The following FBRSL1 variants were observed in gnomAD, a reference collection of about 807,000 sequenced individuals.
The protein encoded by FBRSL1 is fibrosin like 1, also known as fibrosin-1-like protein.
A neutral mutation model predicts 89.6 loss-of-function variants in FBRSL1; 51 were observed. The observed-to-expected ratio is 0.57, with a 90% confidence interval of 0.45 to 0.72. The LOEUF is 0.72. Ranked by LOEUF, FBRSL1 falls within the 30% of genes least tolerant of loss-of-function variation. The probability of loss-of-function intolerance (pLI) is 0.00; values close to 1 mark genes in which losing one functional copy is unlikely to be tolerated. For missense variants in FBRSL1, 1,618 were observed against 1,451.8 expected, an observed-to-expected ratio of 1.11 and a Z score of -1.86; for synonymous variants, 779 against 681.1, an observed-to-expected ratio of 1.14 and a Z score of -2.24.
Position 132,584,142 on chromosome 12 carries a change from T to C in FBRSL1, c.*364T>C, listed in dbSNP as rs1050677822. On this transcript the variant is annotated 3_prime_UTR_variant, in exon 19 of 19. Transcript: ENST00000680143. ...TTTGCAGTTTAATGGCCTCAGATCC[T>C]TCTCCAGATCCCCAGGGTTTCTTTG... 6.5e-6 allele frequency: 1 copy of C among 152,776 alleles called. No homozygotes were observed. The highest frequency in any genetic ancestry group is 2.1e-4 in the South Asian group (1 of 4,836). 9.5% of individuals were successfully genotyped at this position (152,776 alleles called of 1,614,324 possible). A position where few individuals can be genotyped will look rare whatever the true frequency, so the allele number is the denominator to read the frequency against.
Position 132,571,194 on chromosome 12 carries a change from G to C in FBRSL1, c.1340G>C (p.Gly447Ala). ...CCCCTGGGCCCGCACGTGGCGAGCG[G>C]CCACCCCGGCTTGGCCTGCCGACCC... ...PAPLGPHVAS[G>A]HPGLACRPRE... The change falls in exon 9 of 19, where the codon GGC becomes GCC. Residue 447 changes from glycine to alanine, a missense_variant. Gly to Ala is a moderately conservative substitution (Grantham distance 60). Coordinates refer to ENST00000680143, the MANE Select transcript of FBRSL1 (RefSeq NM_001367871.1). The C allele has an allele frequency of 2.8e-6, 4 of 1,434,634 alleles. No homozygotes were observed. Among genetic ancestry groups the C allele is most frequent in the Non-Finnish European group, 3.7e-6 (4 of 1,091,724 alleles). The allele number at this position is 1,434,634 out of a possible 1,614,324, so 88.9% of individuals were successfully genotyped here. A position where few individuals can be genotyped will look rare whatever the true frequency, so the allele number is the denominator to read the frequency against.
At position 132,556,968 on chromosome 12, in the gene FBRSL1, T is replaced by G. The variant is rs1593480954; in HGVS notation, c.645+8936T>G. Among the ~76,000 whole-genome samples the G allele has an allele frequency of 1.3e-5, 2 of 152,170 alleles. 1 individual carries two copies. The highest frequency in any genetic ancestry group is 2.9e-5 in the Non-Finnish European group (2 of 68,026). ...CAGCCTTGAGGAAGCAGTCTTGTGGTCTCCTGGCCCCAGCGCTCGGCTAAC... is the reference window on the plus strand; with the variant it reads ...CAGCCTTGAGGAAGCAGTCTTGTGGGCTCCTGGCCCCAGCGCTCGGCTAAC... On this transcript the variant is annotated intron_variant, in intron 5 of 18. Coordinates refer to ENST00000680143, the MANE Select transcript of FBRSL1 (RefSeq NM_001367871.1).
At chr12:132,495,961 C>T (rs539841146) in intron 1 of FBRSL1, among the ~76,000 whole-genome samples, 15 of 152,350 alleles carry the variant, frequency 9.8e-5, no homozygotes, top group African/African-American at 2.6e-4. Flanking sequence ...GCCTCGGGGT[C>T]GGGGCTGTTA....
chr12:132,514,476 A>G (rs1386858525), intron 2 of FBRSL1, among the ~76,000 whole-genome samples: 1 of 152,246 alleles, frequency 6.6e-6, no homozygotes, highest in Non-Finnish European at 1.5e-5. Flanking sequence ...CTCCGGCCAG[A>G]AGCTGCAGTG....
chr12:132,527,820 G>A (rs7135930), intron 3 of FBRSL1, 133 bp from the exon 4 acceptor site: 211,583 of 830,172 alleles, frequency 0.25, 29,225 homozygotes, highest in Admixed American at 0.43. Context: ...GTGGATCTGC[G>A]GGGCAGGGCT....
At chr12:132,513,754 G>A (rs1192819796) in intron 2 of FBRSL1, among the ~76,000 whole-genome samples, 1 of 152,184 alleles carries the variant, frequency 6.6e-6, no homozygotes, top group African/African-American at 2.4e-5. Context: ...ATTCCTGGAA[G>A]ATGGGTGACA....
At chr12:132,579,009 G>A (rs1371031543) in intron 15 of FBRSL1, among the ~76,000 whole-genome samples, 1 of 152,134 alleles carries the variant, frequency 6.6e-6, no homozygotes, top group Non-Finnish European at 1.5e-5. Flanking sequence ...CCAGTTCTGG[G>A]CCCTCCACAC....
At chr12:132,512,470 G>A (rs1284050728) in intron 2 of FBRSL1, among the ~76,000 whole-genome samples, 1 of 152,236 alleles carries the variant, frequency 6.6e-6, no homozygotes, top group African/African-American at 2.4e-5. Flanking sequence ...CACTTGGGGT[G>A]CGGGCTTGGA....
rs2040832598 is a variant in FBRSL1, at chr12:132,582,411, C to T, written c.2201+145C>T. Reference sequence around the variant, plus strand: ...CGTTCCCCCTCCCCCTGTTCCCCTTCCCCGTTCCCCCTCCCCCATTCCCTC... The same window carrying T: ...CGTTCCCCCTCCCCCTGTTCCCCTTTCCCGTTCCCCCTCCCCCATTCCCTC... On this transcript the variant is annotated intron_variant, in intron 18 of 18. Transcript: ENST00000680143. The T allele has an allele frequency of 2.2e-5, 13 of 586,466 alleles. No homozygotes were observed. In the South Asian group the frequency reaches 2.2e-4, roughly 10 times the overall value. 36.3% of individuals were successfully genotyped at this position (586,466 alleles called of 1,614,324 possible). A position where few individuals can be genotyped will look rare whatever the true frequency, so the allele number is the denominator to read the frequency against.
In FBRSL1 at chr12:132,584,469, T is replaced by TAACA. The variant is rs2041002407; in HGVS notation, c.*692_*695dup. 1.3e-5 allele frequency: 2 copies of TAACA among 152,268 alleles called. No homozygotes were observed. The highest frequency in any genetic ancestry group is 4.8e-5 in the African/African-American group (2 of 41,474). The allele number at this position is 152,268 out of a possible 1,614,324, so 9.4% of individuals were successfully genotyped here. On this transcript the variant is annotated 3_prime_UTR_variant, in exon 19 of 19. Transcript: ENST00000680143. ...CCAGAAACCCCTCTGGTTGTTTGTC[T>TAACA]AACATGGTCACAAAAACCCAGGCGC...
chr12:132,531,500 G>A (rs1331904013), intron 4 of FBRSL1, among the ~76,000 whole-genome samples: 4 of 152,202 alleles, frequency 2.6e-5, no homozygotes, highest in East Asian at 1.9e-4. Flanking sequence ...GGGGCTGTGC[G>A]TTGCCTTGTA....
At chr12:132,494,410 G>C (rs961942046) in intron 1 of FBRSL1, among the ~76,000 whole-genome samples, 1 of 152,230 alleles carries the variant, frequency 6.6e-6, no homozygotes, top group Non-Finnish European at 1.5e-5. Context: ...TCCTTATCTG[G>C]CCTCAGGCCA....
intron 1 of FBRSL1, among the ~76,000 whole-genome samples, chr12:132,493,791 C>T (rs998264787): frequency 6.6e-6 from 1 of 152,222 alleles, no homozygotes; most frequent in African/African-American, 2.4e-5. Flanking sequence ...ATATGTGCTC[C>T]TGTAGGGGAG....
At chr12:132,510,061 T>C in intron 2 of FBRSL1, 2 of 1,231,158 alleles carry the variant, frequency 1.6e-6, no homozygotes, top group South Asian at 4.1e-5. Flanking sequence ...CCTTCACTCC[T>C]GGGCCCGGGA....
chr12:132,547,235 C>G (rs1325591347), intron 4 of FBRSL1, among the ~76,000 whole-genome samples: 1 of 148,670 alleles, frequency 6.7e-6, no homozygotes, highest in Non-Finnish European at 1.5e-5. Flanking sequence ...TCGTAGGGCT[C>G]TGCTTACTGA....
At chr12:132,517,967 A>C (rs933079832) in intron 2 of FBRSL1, among the ~76,000 whole-genome samples, 2 of 152,070 alleles carry the variant, frequency 1.3e-5, no homozygotes, top group African/African-American at 4.8e-5. Context: ...CCAGGCGGCA[A>C]ATGTGGTGGA....
chr12:132,490,684 C>A lies in FBRSL1; in HGVS notation c.114C>A (p.Pro38=). ...RAQSPSSGDE[P]EPSPGKENAG... ...AGAGTCCGTCGTCGGGCGACGAGCC[C>A]GAGCCCAGCCCCGGCAAGGAGAACG... Residue 38 remains proline (P), a synonymous_variant, in exon 1 of 19, where the codon CCC becomes CCA. Transcript: ENST00000680143. 2.0e-6 allele frequency: 2 copies of A among 1,000,634 alleles called. No individual in the cohort carries two copies. Among genetic ancestry groups the A allele is most frequent in the South Asian group, 3.8e-5 (1 of 26,050 alleles). 62.0% of individuals were successfully genotyped at this position (1,000,634 alleles called of 1,614,324 possible).
chr12:132,541,682 G>T (rs747464956), intron 4 of FBRSL1, among the ~76,000 whole-genome samples: 1 of 152,248 alleles, frequency 6.6e-6, no homozygotes, highest in Non-Finnish European at 1.5e-5. Context: ...CTCCCCAGCT[G>T]CTCTCAGCCC....
At chr12:132,493,231 G>A (rs2031398354) in intron 1 of FBRSL1, among the ~76,000 whole-genome samples, 1 of 152,232 alleles carries the variant, frequency 6.6e-6, no homozygotes, top group Non-Finnish European at 1.5e-5. Flanking sequence ...CAGAGGCACA[G>A]CCTGCCCTTG....
Sources: gnomAD v4.1 joint callset for allele counts (sites outside exome capture counted in the v4.1 genomes callset) on GRCh38, gnomAD v4.1.1 for gene constraint, MANE v1.5 for transcripts, NCBI Gene and HGNC (gene_info 2026-07-23, HGNC 2026-07-21) for gene names.